The following PALM2AKAP2 variants were observed in gnomAD, a reference collection of about 807,000 sequenced individuals.
PALM2AKAP2 encodes PALM2-AKAP2 fusion protein.
PALM2AKAP2 carries 37 observed loss-of-function variants against 71.5 expected under a neutral mutation model. The observed-to-expected ratio is 0.52, with a 90% confidence interval of 0.40 to 0.68. The LOEUF is 0.68. PALM2AKAP2 is among the 30% of genes least tolerant of loss of function. PALM2AKAP2 has a pLI of 0.00. For missense variants in PALM2AKAP2, 1,224 were observed against 1,191.8 expected, an observed-to-expected ratio of 1.03 and a Z score of -0.40; for synonymous variants, 468 against 478.8, an observed-to-expected ratio of 0.98 and a Z score of 0.29.
intron 3 of PALM2AKAP2, among the ~76,000 whole-genome samples, chr9:109,905,168 G>C (rs546552864): frequency 6.6e-6 from 1 of 152,314 alleles, no homozygotes; most frequent in African/African-American, 2.4e-5. Flanking sequence ...GTTCACCAAA[G>C]AATATTTTAA....
At chr9:109,928,050 C>A (rs1465590402) in intron 5 of PALM2AKAP2, among the ~76,000 whole-genome samples, 2 of 152,150 alleles carry the variant, frequency 1.3e-5, no homozygotes, top group Non-Finnish European at 2.9e-5. Flanking sequence ...AACCTTCATA[C>A]CAGTTATTCG....
At chr9:109,813,920 T>C (rs1475055585) in intron 1 of PALM2AKAP2, among the ~76,000 whole-genome samples, 1 of 152,224 alleles carries the variant, frequency 6.6e-6, no homozygotes, top group African/African-American at 2.4e-5. Flanking sequence ...ACAGGATGGT[T>C]CATCCTTCTT....
At chr9:110,143,363 A>G (rs1224485992) in intron 2 of PALM2AKAP2, among the ~76,000 whole-genome samples, 1 of 142,076 alleles carries the variant, frequency 7.0e-6, no homozygotes, top group East Asian at 2.3e-4. Flanking sequence ...TCAAGGCTGC[A>G]GTGAGCTGTG....
At chr9:110,025,410 T>G (rs189272613) in intron 7 of PALM2AKAP2, 173 of 740,304 alleles carry the variant, frequency 2.3e-4, no homozygotes, top group Non-Finnish European at 3.3e-4. Flanking sequence ...TTTTTTTTTT[T>G]TTGTTCCTTC....
chr9:110,162,136 C>G lies in PALM2AKAP2; in HGVS notation c.2748+5639C>G. 1 of 1,613,998 alleles carries G rather than the reference C, an allele frequency of 6.2e-7. No individual in the cohort carries two copies. The highest frequency in any genetic ancestry group is 1.6e-4 in the Middle Eastern group (1 of 6,062). On this transcript the variant is annotated intron_variant, in intron 3 of 3. Coordinates refer to ENST00000374525, the Ensembl canonical transcript of PALM2AKAP2. ...GTCTTGCAAGGTGACTTCCGAGGTA[C>G]TTTTCAATTTGTTTGTCTTGGTCTT...
At chr9:110,145,992 A>G (rs111680089) in intron 2 of PALM2AKAP2, among the ~76,000 whole-genome samples, 1 of 134,964 alleles carries the variant, frequency 7.4e-6, no homozygotes, top group Admixed American at 9.0e-5. Flanking sequence ...TCTGCCTCCC[A>G]GGTTCACGCC....
intron 2 of PALM2AKAP2, among the ~76,000 whole-genome samples, chr9:109,871,188 T>C (rs761852031): frequency 6.6e-6 from 1 of 152,186 alleles, no homozygotes; most frequent in Non-Finnish European, 1.5e-5. Flanking sequence ...GACTTACTTA[T>C]TGCAATATTT....
At chr9:110,060,144 G>T (rs896964016) in intron 1 of PALM2AKAP2, among the ~76,000 whole-genome samples, 2 of 151,954 alleles carry the variant, frequency 1.3e-5, no homozygotes, top group African/African-American at 4.8e-5. Flanking sequence ...GATGAGTCTT[G>T]CTGTGTTGCC....
chr9:109,835,684 T>C (rs1008554011), intron 1 of PALM2AKAP2, among the ~76,000 whole-genome samples: 2 of 152,190 alleles, frequency 1.3e-5, no homozygotes, highest in Admixed American at 6.5e-5. Context: ...CCCACCCTAA[T>C]ACTACGCTTT....
In PALM2AKAP2 at chr9:110,084,422, A is replaced by C. The variant is rs370246888; in HGVS notation, c.156+35567A>C. 4.7e-4 allele frequency among the ~76,000 whole-genome samples: 71 copies of C among 152,318 alleles called. No individual in the cohort carries two copies. In the South Asian group the frequency reaches 0.013, roughly 28 times the overall value. On this transcript the variant is annotated intron_variant, in intron 1 of 3. Coordinates refer to ENST00000374525, the Ensembl canonical transcript of PALM2AKAP2. ...GTTAATAAATAATGCCAACAATGGAAAAATCACAAAGAAGCAATGTAAATT... is the reference window on the plus strand; with the variant it reads ...GTTAATAAATAATGCCAACAATGGACAAATCACAAAGAAGCAATGTAAATT...
At chr9:109,935,116 G>A (rs1413228024) in intron 6 of PALM2AKAP2, among the ~76,000 whole-genome samples, 1 of 152,088 alleles carries the variant, frequency 6.6e-6, no homozygotes, top group Non-Finnish European at 1.5e-5. Context: ...TTTACATATT[G>A]TGTTTCCACA....
At chr9:109,689,843 C>G (rs867813450) in intron 1 of PALM2AKAP2, among the ~76,000 whole-genome samples, 1 of 152,120 alleles carries the variant, frequency 6.6e-6, no homozygotes, top group East Asian at 1.9e-4. Context: ...GGCCAACTTC[C>G]GAGAGGAAGA....
intron 1 of PALM2AKAP2, among the ~76,000 whole-genome samples, chr9:110,115,247 T>C (rs553594689): frequency 1.6e-4 from 24 of 152,284 alleles, no homozygotes; most frequent in Admixed American, 2.6e-4. Flanking sequence ...TGTGAATCCA[T>C]GTGGTCCCCC....
intron 1 of PALM2AKAP2, among the ~76,000 whole-genome samples, chr9:109,645,632 T>C (rs1340968741): frequency 1.3e-5 from 2 of 151,870 alleles, no homozygotes; most frequent in Non-Finnish European, 2.9e-5. Context: ...GCCATTATCC[T>C]AAATGAGCTA....
chr9:109,971,306 T>G (rs1832063438), intron 6 of PALM2AKAP2, among the ~76,000 whole-genome samples: 1 of 129,768 alleles, frequency 7.7e-6, no homozygotes. Context: ...TTTTTTTTTT[T>G]TTTTTTTTAC....
intron 1 of PALM2AKAP2, among the ~76,000 whole-genome samples, chr9:110,111,508 T>C (rs1402713133): frequency 1.3e-5 from 2 of 152,254 alleles, no homozygotes; most frequent in African/African-American, 4.8e-5. Context: ...GGGACTTGAC[T>C]AAGTTGGGAG....
In PALM2AKAP2 at chr9:109,833,837, G is replaced by A. The variant is rs116068446; in HGVS notation, c.46-33654G>A. On this transcript the variant is annotated intron_variant, in intron 1 of 9. Transcript: ENST00000302798. The stretch of plus-strand genomic sequence containing the variant: ...TGCCCCAAGTTGAGAGCCTCTGTCC[G>A]GTTTAGGTCTTTCTCCTCAGTCCAT... Among the ~76,000 whole-genome samples the A allele has an allele frequency of 2.2e-3, 329 of 152,280 alleles. 2 individuals are homozygous for A. The highest frequency in any genetic ancestry group is 6.9e-3 in the African/African-American group (286 of 41,566).
At chr9:109,833,458 G>A (rs961990390) in intron 1 of PALM2AKAP2, among the ~76,000 whole-genome samples, 1 of 152,236 alleles carries the variant, frequency 6.6e-6, no homozygotes, top group African/African-American at 2.4e-5. Context: ...GCCATGGTGT[G>A]TGTTGGCATG....
chr9:110,170,265 T>C (rs1481046864), exon 4 of PALM2AKAP2: 1 of 152,646 alleles, frequency 6.6e-6, no homozygotes, highest in Non-Finnish European at 1.5e-5. Flanking sequence ...CTGTGGTTTT[T>C]TAAAAAAGCA....
Sources: gnomAD v4.1 joint callset for allele counts (sites outside exome capture counted in the v4.1 genomes callset) on GRCh38, gnomAD v4.1.1 for gene constraint, MANE v1.5 for transcripts, NCBI Gene and HGNC (gene_info 2026-07-23, HGNC 2026-07-21) for gene names.